MARCHF7: variants seen among roughly 807,000 people sequenced by gnomAD.
The protein encoded by MARCHF7 is E3 ubiquitin-protein ligase MARCHF7.
A neutral mutation model predicts 76.5 loss-of-function variants in MARCHF7; 20 were observed. That is an observed-to-expected ratio of 0.26 (90% CI 0.18 to 0.38). The LOEUF (loss-of-function observed/expected upper bound fraction) is 0.38, where lower values mean the gene tolerates loss of function less well. Ranked by LOEUF, MARCHF7 falls within the 10% of genes least tolerant of loss-of-function variation. The probability of loss-of-function intolerance (pLI) is 1.00; values close to 1 mark genes in which losing one functional copy is unlikely to be tolerated. For synonymous variants in MARCHF7, 295 were observed against 293.0 expected (o/e 1.01, Z -0.07); for missense variants, 797 against 812.9 (o/e 0.98, Z 0.24).
intron 11 of MARCHF7, among the ~76,000 whole-genome samples, chr2:159,766,036 C>G (rs1009154071): frequency 4.0e-5 from 6 of 151,564 alleles, no homozygotes; most frequent in Non-Finnish European, 7.4e-5. Context: ...GTTTCTTAAA[C>G]ATAGTATTGT....
At chr2:159,736,563 TA>T (rs1221580399) in intron 4 of MARCHF7, among the ~76,000 whole-genome samples, 4 of 152,210 alleles carry the variant, frequency 2.6e-5, no homozygotes, top group Non-Finnish European at 4.4e-5. Flanking sequence ...TAAGTTTTTT[TA>T]TTTTTTTAAT....
chr2:159,742,421 A>G (rs1408677874), intron 4 of MARCHF7, among the ~76,000 whole-genome samples: 1 of 152,298 alleles, frequency 6.6e-6, no homozygotes, highest in East Asian at 1.9e-4. Context: ...AGAGGTGGAC[A>G]GGGTTCCTGA....
intron 8 of MARCHF7, among the ~76,000 whole-genome samples, chr2:159,755,043 T>C (rs915321052): frequency 3.3e-5 from 5 of 152,232 alleles, no homozygotes; most frequent in Non-Finnish European, 1.5e-5. Flanking sequence ...GTGGGTCTTT[T>C]GCCAGGCAAA....
intron 5 of MARCHF7, among the ~76,000 whole-genome samples, chr2:159,743,974 CTTTTTTTTTTTTTTTT>C (rs1170864400): frequency 1.7e-5 from 1 of 60,600 alleles, no homozygotes; most frequent in Non-Finnish European, 3.4e-5. Context: ...AGTAGGAGTT[CTTTTTTTTTTTTTTTT>C]TTTTTTTTTT....
intron 4 of MARCHF7, chr2:159,732,940 T>A: frequency 1.0e-6 from 1 of 984,866 alleles, no homozygotes; most frequent in East Asian, 1.1e-4. Flanking sequence ...ATTGTTCATC[T>A]TAATTGTTAA....
chr2:159,760,957 G>C (rs13401087), intron 9 of MARCHF7, among the ~76,000 whole-genome samples: 52,253 of 151,564 alleles, frequency 0.34, 9,204 homozygotes, highest in South Asian at 0.44. Context: ...CTGATTTTAA[G>C]TGATTAGTTT....
At chr2:159,722,394 A>AC (rs566861052) in intron 3 of MARCHF7, among the ~76,000 whole-genome samples, 1 of 152,294 alleles carries the variant, frequency 6.6e-6, no homozygotes, top group Admixed American at 6.5e-5. Context: ...TCGGCCTCCC[A>AC]AAGTGCAGAG....
At chr2:159,753,749 GTCTATTA>G (rs1705957464) in intron 8 of MARCHF7, among the ~76,000 whole-genome samples, 1 of 152,180 alleles carries the variant, frequency 6.6e-6, no homozygotes, top group African/African-American at 2.4e-5. Context: ...CGAACCAGGA[GTCTATTA>G]TCAGAGCACT....
rs1311199308 is a variant in MARCHF7, at chr2:159,748,409, T to C, written c.1119T>C (p.Phe373=). Reference sequence around the variant, plus strand: ...GCTCTGAGTCAGATTCAGAAAATTTTAACCAAGAATCTGAAGGTAGAAATA... The same window carrying C: ...GCTCTGAGTCAGATTCAGAAAATTTCAACCAAGAATCTGAAGGTAGAAATA... ...NHSSESDSEN[F]NQESEGRNTG... Residue 373 remains phenylalanine, a synonymous_variant, in exon 7 of 12, where the codon TTT becomes TTC. Transcript: ENST00000409175. 1 of 1,614,098 alleles carries C rather than the reference T, an allele frequency of 6.2e-7. No homozygotes were observed. Among genetic ancestry groups the C allele is most frequent in the Admixed American group, 1.7e-5 (1 of 60,026 alleles).
At position 159,729,015 on chromosome 2, in the gene MARCHF7, C is replaced by G; in HGVS notation, c.-8C>G. On this transcript the variant is annotated 5_prime_UTR_variant, in exon 4 of 12. The change creates a new upstream start codon in the 5' untranslated region. Transcript: ENST00000409175. Reference sequence around the variant, plus strand: ...GAAAATTTTTATTTCACAGAAAAATCTTTAAGAATGGAGTCTAAACCTTCA... The same window carrying G: ...GAAAATTTTTATTTCACAGAAAAATGTTTAAGAATGGAGTCTAAACCTTCA... 1 of 1,544,386 alleles carries G rather than the reference C, an allele frequency of 6.5e-7. No individual in the cohort carries two copies. Among genetic ancestry groups the G allele is most frequent in the South Asian group, 1.2e-5 (1 of 81,082 alleles).
At chr2:159,754,529 A>C (rs1402757368) in intron 8 of MARCHF7, among the ~76,000 whole-genome samples, 1 of 152,210 alleles carries the variant, frequency 6.6e-6, no homozygotes, top group East Asian at 1.9e-4. Context: ...TTTACTACCA[A>C]GGAGACTGGA....
At chr2:159,743,420 T>A (rs1010792116) in intron 5 of MARCHF7, among the ~76,000 whole-genome samples, 167 bp downstream of exon 5, 16 of 152,242 alleles carry the variant, frequency 1.1e-4, no homozygotes, top group Non-Finnish European at 2.1e-4. Flanking sequence ...CTGATACTCT[T>A]CTGCATTTTT....
At chr2:159,761,660 C>A (rs1560028363) in intron 9 of MARCHF7, among the ~76,000 whole-genome samples, 3 of 151,968 alleles carry the variant, frequency 2.0e-5, no homozygotes, top group Admixed American at 1.3e-4. Flanking sequence ...GATCCACCCA[C>A]TCCAGCCTCC....
At chr2:159,761,406 CTTT>C (rs747902045) in intron 9 of MARCHF7, among the ~76,000 whole-genome samples, 358 of 73,722 alleles carry the variant, frequency 4.9e-3, no homozygotes, top group African/African-American at 0.017. Flanking sequence ...TGAATCATTT[CTTT>C]TTTTTTTTTT....
intron 4 of MARCHF7, chr2:159,734,065 C>CG: frequency 7.4e-7 from 1 of 1,360,184 alleles, no homozygotes; most frequent in Non-Finnish European, 9.7e-7. Context: ...CTATGATCAT[C>CG]TTATGTCTTT....
chr2:159,736,308 A>G (rs1012332419), intron 4 of MARCHF7, among the ~76,000 whole-genome samples: 5 of 152,144 alleles, frequency 3.3e-5, no homozygotes, highest in Admixed American at 6.5e-5. Flanking sequence ...AGCCATCCCA[A>G]TGGGTATGAA....
intron 3 of MARCHF7, among the ~76,000 whole-genome samples, chr2:159,728,312 T>A (rs147511390): frequency 6.6e-6 from 1 of 152,246 alleles, no homozygotes. Context: ...ATTTTTGTTA[T>A]AATTAAGAGA....
chr2:159,732,668 CT>C (rs1193148937), intron 4 of MARCHF7, among the ~76,000 whole-genome samples: 13 of 152,188 alleles, frequency 8.5e-5, no homozygotes, highest in Non-Finnish European at 1.8e-4. Flanking sequence ...GCGCAGCCCC[CT>C]GCCACACACA....
In MARCHF7 at chr2:159,743,047, T is replaced by C. The variant is rs369233315; in HGVS notation, c.154-14T>C. 6.3e-6 allele frequency: 10 copies of C among 1,599,508 alleles called. No homozygotes were observed. The African/African-American group carries it at 1.3e-4, about 22-fold the overall frequency. ...CAGCCTTTTGTTGTTTAAAAAATTT[T>C]TTTGAACTCACAGTCTACATCAGCA... On this transcript the variant is annotated splice_polypyrimidine_tract_variant and intron_variant, in intron 4 of 11. Coordinates refer to ENST00000409175, the MANE Select transcript of MARCHF7 (RefSeq NM_001282805.2).
Sources: allele counts gnomAD v4.1 joint callset (sites outside exome capture counted in the v4.1 genomes callset), GRCh38; gene constraint gnomAD v4.1.1; transcripts MANE v1.5; gene names NCBI Gene and HGNC (gene_info 2026-07-23, HGNC 2026-07-21).